The following PIBF1 variants were observed in gnomAD, a reference collection of about 807,000 sequenced individuals.
PIBF1 encodes progesterone-induced-blocking factor 1.
PIBF1 carries 90 observed loss-of-function variants against 112.5 expected under a neutral mutation model. That is an observed-to-expected ratio of 0.80 (90% CI 0.67 to 0.95). The LOEUF (loss-of-function observed/expected upper bound fraction) is 0.95. PIBF1 is among the 40% of genes least tolerant of loss of function. The pLI is 0.00. For missense variants in PIBF1, 915 were observed against 852.3 expected, an observed-to-expected ratio of 1.07 and a Z score of -0.92; for synonymous variants, 301 against 288.6, an observed-to-expected ratio of 1.04 and a Z score of -0.44.
intron 13 of PIBF1, among the ~76,000 whole-genome samples, chr13:72,922,522 C>T (rs1566451040): frequency 6.6e-6 from 1 of 152,244 alleles, no homozygotes; most frequent in East Asian, 1.9e-4. Context: ...TTTGTATATG[C>T]CTCTGTGTTT....
chr13:73,007,377 G>T (rs1398880174), intron 17 of PIBF1, among the ~76,000 whole-genome samples: 1 of 150,818 alleles, frequency 6.6e-6, no homozygotes, highest in Non-Finnish European at 1.5e-5. Flanking sequence ...GCTGACTGCA[G>T]CCTCCACCTC....
chr13:72,979,786 G>A (rs1017612207), intron 16 of PIBF1, among the ~76,000 whole-genome samples: 1 of 152,090 alleles, frequency 6.6e-6, no homozygotes, highest in African/African-American at 2.4e-5. Flanking sequence ...GCCAGGCATG[G>A]TGGTGGGCGC....
At chr13:72,873,862 G>A (rs2039278649) in intron 10 of PIBF1, among the ~76,000 whole-genome samples, 1 of 151,988 alleles carries the variant, frequency 6.6e-6, no homozygotes, top group African/African-American at 2.4e-5. Flanking sequence ...TCTAATAAAG[G>A]GCTTACATCC....
At chr13:72,870,607 C>T (rs1346239269) in intron 10 of PIBF1, among the ~76,000 whole-genome samples, 1 of 152,004 alleles carries the variant, frequency 6.6e-6, no homozygotes, top group African/African-American at 2.4e-5. Context: ...TTTGAAAGAG[C>T]TGAAATACAT....
At chr13:72,855,520 A>G (rs528433919) in intron 10 of PIBF1, among the ~76,000 whole-genome samples, 1 of 152,058 alleles carries the variant, frequency 6.6e-6, no homozygotes, top group African/African-American at 2.4e-5. Flanking sequence ...GTGGTGATGC[A>G]TGCCTGTGAT....
At chr13:72,869,232 G>GTA (rs1242524328) in intron 10 of PIBF1, among the ~76,000 whole-genome samples, 1 of 152,088 alleles carries the variant, frequency 6.6e-6, no homozygotes, top group Admixed American at 6.6e-5. Flanking sequence ...TCCAACAATG[G>GTA]TAGACTGGAT....
intron 14 of PIBF1, among the ~76,000 whole-genome samples, chr13:72,939,148 G>A (rs1260678183): frequency 6.6e-6 from 1 of 152,066 alleles, no homozygotes; most frequent in Admixed American, 6.6e-5. Context: ...TGTCCTTCAA[G>A]GCACAAAAGT....
At chr13:72,972,620 C>T (rs57931085) in intron 15 of PIBF1, among the ~76,000 whole-genome samples, 15,672 of 151,340 alleles carry the variant, frequency 0.1, 2,300 homozygotes, top group African/African-American at 0.33. Flanking sequence ...GCCGAGATCG[C>T]GCCACTGCAC....
chr13:72,969,671 A>G lies in PIBF1; in HGVS notation c.1965-3920A>G, dbSNP rs562905046. On this transcript the variant is annotated intron_variant, in intron 15 of 17. Transcript: ENST00000326291. ...TGTATACCCACATTCCTTCATCCCT[A>G]CTCGAAGCAAATGGCATTTCAAATC... The G allele has an allele frequency of 9.9e-5, 15 of 152,276 alleles. No homozygotes were observed. In the South Asian group the frequency reaches 3.1e-3, roughly 32 times the overall value. The allele number at this position is 152,276 out of a possible 1,614,324, so 9.4% of individuals were successfully genotyped here.
intron 12 of PIBF1, among the ~76,000 whole-genome samples, chr13:72,914,223 G>A (rs2041004458): frequency 6.6e-6 from 1 of 152,278 alleles, no homozygotes; most frequent in Admixed American, 6.5e-5. Context: ...TTATTAAGGT[G>A]TAACCATAGC....
At chr13:73,011,845 C>T (rs1247093110) in intron 17 of PIBF1, among the ~76,000 whole-genome samples, 1 of 152,136 alleles carries the variant, frequency 6.6e-6, no homozygotes, top group Non-Finnish European at 1.5e-5. Flanking sequence ...AGAGACAGTG[C>T]AAGCATCAGA....
At chr13:72,988,371 A>G (rs2043372760) in intron 16 of PIBF1, among the ~76,000 whole-genome samples, 1 of 152,034 alleles carries the variant, frequency 6.6e-6, no homozygotes, top group African/African-American at 2.4e-5. Context: ...CAAAGAGACA[A>G]TCCCAGGGTG....
At chr13:72,993,163 A>G (rs2043534058) in intron 16 of PIBF1, among the ~76,000 whole-genome samples, 1 of 152,030 alleles carries the variant, frequency 6.6e-6, no homozygotes, top group Admixed American at 6.6e-5. Context: ...ATACAAAAAA[A>G]TACAAAAATA....
At chr13:72,783,829 A>G (rs2034441336) in intron 2 of PIBF1, 108 bp downstream of exon 2, 3 of 1,058,072 alleles carry the variant, frequency 2.8e-6, no homozygotes, top group South Asian at 3.1e-5. Context: ...ATACATTTAT[A>G]TTTCTTGACA....
intron 13 of PIBF1, among the ~76,000 whole-genome samples, chr13:72,928,030 T>TATATAC (rs1566458754): frequency 5.5e-5 from 6 of 108,864 alleles, no homozygotes; most frequent in Non-Finnish European, 1.1e-4. Flanking sequence ...TATATACATA[T>TATATAC]ATATATATAT....
intron 10 of PIBF1, among the ~76,000 whole-genome samples, chr13:72,893,035 G>T (rs1167222126): frequency 6.6e-6 from 1 of 152,082 alleles, no homozygotes. Flanking sequence ...TTGAATAAAT[G>T]AATTTTAATA....
intron 14 of PIBF1, among the ~76,000 whole-genome samples, chr13:72,945,047 C>G (rs1046557230): frequency 2.0e-5 from 3 of 152,112 alleles, no homozygotes; most frequent in African/African-American, 4.8e-5. Flanking sequence ...GGCCCCCTCT[C>G]CCTCTCCCCA....
At chr13:72,916,994 A>G in intron 12 of PIBF1, 82 bp from the exon 13 acceptor site, 1 of 849,086 alleles carries the variant, frequency 1.2e-6, no homozygotes, top group Non-Finnish European at 1.8e-6. Flanking sequence ...AATTTGTTAT[A>G]ACCTCCTTTA....
At chr13:72,873,122 C>A (rs763606173) in intron 10 of PIBF1, among the ~76,000 whole-genome samples, 1 of 152,020 alleles carries the variant, frequency 6.6e-6, no homozygotes, top group Non-Finnish European at 1.5e-5. Context: ...TCGAAAGGAC[C>A]AGAACATCCA....
Sources: allele counts gnomAD v4.1 joint callset (sites outside exome capture counted in the v4.1 genomes callset), GRCh38; gene constraint gnomAD v4.1.1; transcripts MANE v1.5; gene names NCBI Gene and HGNC (gene_info 2026-07-23, HGNC 2026-07-21).